Variants in STPG2 observed in about 807,000 individuals in gnomAD.
The protein encoded by STPG2 is sperm tail PG-rich repeat containing 2.
In STPG2, 56 loss-of-function variants were observed where a neutral mutation model predicts 54.2. The observed-to-expected ratio is 1.03, with a 90% confidence interval of 0.83 to 1.29. STPG2 has a LOEUF of 1.29. Among genes scored for constraint, STPG2 ranks in the 50% most tolerant of loss-of-function variants. STPG2 has a pLI of 0.00. For missense variants in STPG2, 596 were observed against 544.9 expected (o/e 1.09, Z -0.93); for synonymous variants, 200 against 181.8 (o/e 1.10, Z -0.81).
At chr4:97,487,050 A>T (rs1730383217) in intron 4 of STPG2, among the ~76,000 whole-genome samples, 1 of 151,478 alleles carries the variant, frequency 6.6e-6, no homozygotes, top group Non-Finnish European at 1.5e-5. Context: ...AGCTATGAGG[A>T]TGCAAAGTCA....
intron 9 of STPG2, among the ~76,000 whole-genome samples, chr4:97,739,350 A>C (rs1259078250): frequency 6.6e-6 from 1 of 152,182 alleles, no homozygotes; most frequent in Non-Finnish European, 1.5e-5. Context: ...AGAAGGCAAG[A>C]AATAACTAAA....
chr4:97,717,317 A>G (rs1442436341), intron 9 of STPG2, among the ~76,000 whole-genome samples: 2 of 152,194 alleles, frequency 1.3e-5, no homozygotes, highest in African/African-American at 2.4e-5. Flanking sequence ...ATGTTCAAGG[A>G]TATCTTAAAG....
At chr4:97,706,436 A>G (rs187937335) in intron 10 of STPG2, among the ~76,000 whole-genome samples, 40 of 152,340 alleles carry the variant, frequency 2.6e-4, no homozygotes, top group Middle Eastern at 3.4e-3. Context: ...CCCTTCTGCC[A>G]TGTGAGGACA....
chr4:97,606,677 A>G (rs1733601386), intron 10 of STPG2, among the ~76,000 whole-genome samples: 1 of 151,898 alleles, frequency 6.6e-6, no homozygotes, highest in African/African-American at 2.4e-5. Context: ...TATATATTGT[A>G]ATTATTTTTA....
intron 9 of STPG2, among the ~76,000 whole-genome samples, chr4:97,802,755 G>A (rs1320569397): frequency 2.0e-5 from 3 of 152,070 alleles, no homozygotes. Flanking sequence ...ACAAGTGTGA[G>A]CCACCGCGCC....
intron 5 of STPG2, among the ~76,000 whole-genome samples, chr4:98,009,510 C>T (rs1735676888): frequency 6.6e-6 from 1 of 151,914 alleles, no homozygotes; most frequent in African/African-American, 2.4e-5. Flanking sequence ...ATGATCAATT[C>T]TGGAAAATTA....
intron 4 of STPG2, among the ~76,000 whole-genome samples, chr4:97,456,633 T>C (rs559965733): frequency 2.8e-4 from 43 of 152,138 alleles, no homozygotes; most frequent in Admixed American, 1.4e-3. Context: ...CGGTGGCTTA[T>C]GCCTGTAATC....
intron 9 of STPG2, among the ~76,000 whole-genome samples, chr4:97,760,842 G>T (rs1285231024): frequency 6.6e-6 from 1 of 152,110 alleles, no homozygotes; most frequent in African/African-American, 2.4e-5. Flanking sequence ...CTAAAATATG[G>T]ATGACTGCAA....
At chr4:97,928,038 C>T (rs1042488180) in intron 8 of STPG2, among the ~76,000 whole-genome samples, 16 of 152,152 alleles carry the variant, frequency 1.1e-4, no homozygotes, top group Non-Finnish European at 1.5e-5. Flanking sequence ...GGCAATCTTC[C>T]TTTCAATCCT....
At chr4:98,040,476 A>G (rs1314400106) in intron 5 of STPG2, among the ~76,000 whole-genome samples, 1 of 151,900 alleles carries the variant, frequency 6.6e-6, no homozygotes, top group Non-Finnish European at 1.5e-5. Flanking sequence ...TCTTGAATTC[A>G]TCTTGGGTTG....
rs550190212 is a variant in STPG2, at chr4:98,043,677, T to C, written c.612+62276A>G. Among the ~76,000 whole-genome samples the C allele has an allele frequency of 3.9e-5, 6 of 152,296 alleles. No individual in the cohort carries two copies. The South Asian group carries it at 6.2e-4, about 16-fold the overall frequency. ...ATGCATTAACATACTTTAGTTATCA[T>C]TGTCTTTAATACTTTCATCTTTTTT... is the stretch of plus-strand genomic sequence containing the variant. On this transcript the variant is annotated intron_variant, in intron 5 of 10. Transcript: ENST00000295268.
intron 3 of STPG2, among the ~76,000 whole-genome samples, chr4:98,124,839 C>T (rs1270595211): frequency 2.0e-5 from 3 of 152,194 alleles, no homozygotes; most frequent in African/African-American, 7.2e-5. Flanking sequence ...AGTCTTTTTA[C>T]ATAATCCCAC....
At chr4:97,826,114 C>A (rs1414768461) in intron 9 of STPG2, among the ~76,000 whole-genome samples, 2 of 152,126 alleles carry the variant, frequency 1.3e-5, no homozygotes, top group Middle Eastern at 3.2e-3. Context: ...ATGTCATAGG[C>A]TCCACACCTG....
chr4:97,998,734 G>C (rs13134819), intron 5 of STPG2, among the ~76,000 whole-genome samples: 61,776 of 151,968 alleles, frequency 0.41, 12,771 homozygotes, highest in African/African-American at 0.47. Flanking sequence ...TGTACCTGGT[G>C]TCAGTGAGAC....
At chr4:97,736,679 G>C (rs1185341232) in intron 9 of STPG2, among the ~76,000 whole-genome samples, 1 of 152,208 alleles carries the variant, frequency 6.6e-6, no homozygotes, top group Non-Finnish European at 1.5e-5. Flanking sequence ...CATTGCCCAG[G>C]CTTGCTTAGG....
intron 10 of STPG2, among the ~76,000 whole-genome samples, chr4:97,637,996 T>A (rs1228803761): frequency 8.4e-4 from 128 of 151,998 alleles, no homozygotes; most frequent in African/African-American, 3.1e-3. Context: ...AAAACTACTT[T>A]AAAGTTCATA....
At position 97,688,958 on chromosome 4, in the gene STPG2, A is replaced by C. The variant is rs549566200; in HGVS notation, c.1320+23741T>G. Among the ~76,000 whole-genome samples, 625 of 152,316 alleles carry C rather than the reference A, an allele frequency of 4.1e-3. 2 individuals are homozygous for C. Among genetic ancestry groups the C allele is most frequent in the Non-Finnish European group, 6.6e-3 (450 of 68,010 alleles). Reference sequence around the variant, plus strand: ...AATTAATTTAAAAATAAACTAAAACACTAATCTTTGCAACTAACCTATTTT... The same window carrying C: ...AATTAATTTAAAAATAAACTAAAACCCTAATCTTTGCAACTAACCTATTTT... On this transcript the variant is annotated intron_variant, in intron 10 of 10. Coordinates refer to ENST00000295268, the MANE Select transcript of STPG2 (RefSeq NM_174952.3).
chr4:97,913,242 T>C (rs1395237292), intron 8 of STPG2, among the ~76,000 whole-genome samples: 1 of 152,188 alleles, frequency 6.6e-6, no homozygotes, highest in East Asian at 1.9e-4. Context: ...AATCACTTTA[T>C]TAACTTTAAG....
chr4:98,025,341 G>C lies in STPG2; in HGVS notation c.613-44023C>G, dbSNP rs529703614. The stretch of plus-strand genomic sequence containing the variant: ...TAATAAAAGGAGTGTATTGGCTGTG[G>C]CCCTTTCCACCCCCTAGTGCTGCTG... On this transcript the variant is annotated intron_variant, in intron 5 of 10. Coordinates refer to ENST00000295268, the MANE Select transcript of STPG2 (RefSeq NM_174952.3). 18 of 266,674 alleles carry C rather than the reference G, an allele frequency of 6.7e-5. No individual in the cohort carries two copies. In the South Asian group the frequency reaches 6.9e-4, roughly 10 times the overall value. The allele number at this position is 266,674 out of a possible 1,614,324, so 16.5% of individuals were successfully genotyped here. A position where few individuals can be genotyped will look rare whatever the true frequency, so the allele number is the denominator to read the frequency against.
Sources: gnomAD v4.1 joint callset for allele counts (sites outside exome capture counted in the v4.1 genomes callset) on GRCh38, gnomAD v4.1.1 for gene constraint, MANE v1.5 for transcripts, NCBI Gene and HGNC (gene_info 2026-07-23, HGNC 2026-07-21) for gene names.